The following EEPD1 variants were observed in gnomAD, a reference collection of about 807,000 sequenced individuals.
EEPD1 encodes endonuclease/exonuclease/phosphatase family domain-containing protein 1.
Under a neutral mutation model 46.3 loss-of-function variants are expected in EEPD1, and 17 were observed. That is an observed-to-expected ratio of 0.37 (90% CI 0.25 to 0.55). The LOEUF is 0.55. Ranked by LOEUF, EEPD1 falls within the 20% of genes least tolerant of loss-of-function variation. EEPD1 has a pLI of 0.83. For synonymous variants in EEPD1, 313 were observed against 315.6 expected, an observed-to-expected ratio of 0.99 and a Z score of 0.09; for missense variants, 673 against 745.6, an observed-to-expected ratio of 0.90 and a Z score of 1.13.
rs117271901 is a variant in EEPD1, at chr7:36,212,875, G to A, written c.879-26110G>A. ...ACCTTAAGAAAGCATGGCTGTGGCC[G>A]GGTGAGGTGGCTCACGCCTATAATC... is the stretch of plus-strand genomic sequence containing the variant. On this transcript the variant is annotated intron_variant, in intron 2 of 7. Transcript: ENST00000242108. 1.1e-3 allele frequency among the ~76,000 whole-genome samples: 170 copies of A among 152,152 alleles called. 3 individuals carry two copies. The East Asian group carries it at 0.024, about 22-fold the overall frequency.
rs568569771 is a variant in EEPD1 at position 36,216,372 on chromosome 7, C to T, written c.879-22613C>T. On this transcript the variant is annotated intron_variant, in intron 2 of 7. Coordinates refer to ENST00000242108, the MANE Select transcript of EEPD1 (RefSeq NM_030636.3). Reference sequence around the variant, plus strand: ...GGCAATCGTCAGTAAAATCTTCAGTCTCTTTAGTGCTCAAGTAAATGTAAA... The same window carrying T: ...GGCAATCGTCAGTAAAATCTTCAGTTTCTTTAGTGCTCAAGTAAATGTAAA... 5.3e-5 allele frequency among the ~76,000 whole-genome samples: 8 copies of T among 152,334 alleles called. 1 individual carries two copies. The East Asian group carries it at 1.5e-3, about 29-fold the overall frequency.
chr7:36,200,444 T>C (rs1465355383), intron 2 of EEPD1, among the ~76,000 whole-genome samples: 1 of 152,258 alleles, frequency 6.6e-6, no homozygotes, highest in Non-Finnish European at 1.5e-5. Flanking sequence ...CCTATAAATC[T>C]TGAATTCTTC....
chr7:36,239,051 C>T lies in EEPD1; in HGVS notation c.930+15C>T, dbSNP rs145450062. 24,394 of 1,610,412 alleles carry T rather than the reference C, an allele frequency of 0.015. 232 individuals are homozygous for T. The highest frequency in any genetic ancestry group is 0.017 in the Non-Finnish European group (20,179 of 1,179,022). ...CCTTGGAAAAGGTAAATATTTTACT[C>T]TTCCTTCCACATTCACAAACCAAGA... On this transcript the variant is annotated intron_variant, in intron 3 of 7. Coordinates refer to ENST00000242108, the MANE Select transcript of EEPD1 (RefSeq NM_030636.3).
chr7:36,205,605 C>T (rs1027963846), intron 2 of EEPD1, among the ~76,000 whole-genome samples: 2 of 152,180 alleles, frequency 1.3e-5, no homozygotes, highest in Non-Finnish European at 2.9e-5. Flanking sequence ...GGGGTAAAAG[C>T]GTGGTGCTAA....
intron 2 of EEPD1, among the ~76,000 whole-genome samples, chr7:36,232,129 A>T: frequency 1.0e-5 from 1 of 96,258 alleles, no homozygotes; most frequent in South Asian, 3.0e-4. Context: ...GTGTCTTATC[A>T]TCTTCTCTCC....
intron 3 of EEPD1, among the ~76,000 whole-genome samples, chr7:36,241,553 A>G (rs1786553832): frequency 6.6e-6 from 1 of 152,164 alleles, no homozygotes; most frequent in African/African-American, 2.4e-5. Context: ...TATCAGTATA[A>G]TAAAAATGCA....
At chr7:36,209,268 C>T (rs1160062465) in intron 2 of EEPD1, among the ~76,000 whole-genome samples, 1 of 152,176 alleles carries the variant, frequency 6.6e-6, no homozygotes, top group Non-Finnish European at 1.5e-5. Context: ...TCTTAGCAAC[C>T]TAACTCAGTT....
Position 36,154,627 on chromosome 7 carries a change from C to T in EEPD1, c.303C>T (p.Ser101=), listed in dbSNP as rs1784785468. Residue 101 remains serine, a synonymous_variant, in exon 2 of 8, where the codon AGC becomes AGT. Coordinates refer to ENST00000242108, the MANE Select transcript of EEPD1 (RefSeq NM_030636.3). The surrounding 1 kb of genome is among the most constrained non-coding windows in gnomAD (Gnocchi z 4.2). Reference sequence around the variant, plus strand: ...AGGTCAAGTTTGAGATCTGTGTGAGCAGCAAGGGCAGCTCAGCGCAGCACT... The same window carrying T: ...AGGTCAAGTTTGAGATCTGTGTGAGTAGCAAGGGCAGCTCAGCGCAGCACT... ...LEQVKFEICV[S]SKGSSAQHSP... The T allele has an allele frequency of 6.2e-7, 1 of 1,613,862 alleles. No homozygotes were observed. The highest frequency in any genetic ancestry group is 8.5e-7 in the Non-Finnish European group (1 of 1,180,016).
chr7:36,244,003 TAAC>T (rs1786598077), intron 3 of EEPD1, among the ~76,000 whole-genome samples: 1 of 117,982 alleles, frequency 8.5e-6, no homozygotes, highest in Non-Finnish European at 1.9e-5. Flanking sequence ...CATATGTAAC[TAAC>T]CTGCACATTG....
At position 36,211,151 on chromosome 7, in the gene EEPD1, G is replaced by A. The variant is rs1402158708; in HGVS notation, c.879-27834G>A. Among the ~76,000 whole-genome samples the A allele has an allele frequency of 3.3e-5, 5 of 152,216 alleles. No individual in the cohort carries two copies. In the East Asian group the frequency reaches 5.8e-4, roughly 18 times the overall value. On this transcript the variant is annotated intron_variant, in intron 2 of 7. Coordinates refer to ENST00000242108, the MANE Select transcript of EEPD1 (RefSeq NM_030636.3). Reference sequence around the variant, plus strand: ...CCAGAAAGGGAAGCAAGACAGAAGCGCCTTGCCTGGTTCACTGGCAGTATC... The same window carrying A: ...CCAGAAAGGGAAGCAAGACAGAAGCACCTTGCCTGGTTCACTGGCAGTATC...
At chr7:36,239,139 G>C in intron 3 of EEPD1, 103 bp downstream of exon 3, 2 of 1,136,492 alleles carry the variant, frequency 1.8e-6, no homozygotes, top group Non-Finnish European at 2.6e-6. Context: ...CTACTGAAAA[G>C]ACGGTCAGTT....
chr7:36,284,954 AT>A, intron 5 of EEPD1, 134 bp downstream of exon 5: 1 of 1,259,602 alleles, frequency 7.9e-7, no homozygotes, highest in Non-Finnish European at 1.0e-6. Flanking sequence ...ATGATTGGAG[AT>A]TTTTGTCTCT....
At chr7:36,289,365 A>G (rs196598) in intron 6 of EEPD1, among the ~76,000 whole-genome samples, 2,774 of 152,304 alleles carry the variant, frequency 0.018, 37 homozygotes, top group Non-Finnish European at 0.027. Context: ...GGCAACCAGC[A>G]TTCTACCTTC....
chr7:36,229,471 G>T (rs1287778234), intron 2 of EEPD1: 1 of 152,184 alleles, frequency 6.6e-6, no homozygotes, highest in Admixed American at 6.5e-5. Context: ...CCTTCACTTG[G>T]ATAAGGCTAA....
At chr7:36,215,785 AG>A (rs1008804107) in intron 2 of EEPD1, among the ~76,000 whole-genome samples, 2 of 152,232 alleles carry the variant, frequency 1.3e-5, no homozygotes, top group African/African-American at 4.8e-5. Context: ...AAGTGCCTGC[AG>A]TATCTCTGGG....
chr7:36,278,325 T>C (rs1360406914), intron 3 of EEPD1, among the ~76,000 whole-genome samples: 1 of 152,158 alleles, frequency 6.6e-6, no homozygotes, highest in East Asian at 1.9e-4. Flanking sequence ...GGAGATACAA[T>C]TGTCCTCAGG....
chr7:36,298,300 C>G (rs374135944), intron 7 of EEPD1, among the ~76,000 whole-genome samples: 1 of 152,298 alleles, frequency 6.6e-6, no homozygotes, highest in African/African-American at 2.4e-5. Context: ...GAAATCCTTT[C>G]AGTGGTTCCC....
intron 3 of EEPD1, among the ~76,000 whole-genome samples, chr7:36,280,849 A>C (rs549797144): frequency 2.0e-5 from 3 of 152,372 alleles, no homozygotes; most frequent in African/African-American, 7.2e-5. Flanking sequence ...GGAATGCTAC[A>C]GAGAGAATCA....
intron 3 of EEPD1, among the ~76,000 whole-genome samples, chr7:36,267,563 A>G (rs574285395): frequency 2.0e-4 from 31 of 152,196 alleles, no homozygotes; most frequent in Non-Finnish European, 3.8e-4. Flanking sequence ...GCTTTCCCCA[A>G]CTAAGTGAAC....
Sources: gnomAD v4.1 joint callset for allele counts (sites outside exome capture counted in the v4.1 genomes callset) on GRCh38, gnomAD v4.1.1 for gene constraint, Gnocchi (gnomAD v3.1) non-coding constraint, MANE v1.5 for transcripts, NCBI Gene and HGNC (gene_info 2026-07-23, HGNC 2026-07-21) for gene names.